The following PTPRU variants were observed in gnomAD, a reference collection of about 807,000 sequenced individuals.
PTPRU encodes receptor-type tyrosine-protein phosphatase U.
PTPRU carries 69 observed loss-of-function variants against 166.3 expected under a neutral mutation model. That is an observed-to-expected ratio of 0.41 (90% CI 0.34 to 0.51). The LOEUF is 0.51. PTPRU is among the 20% of genes least tolerant of loss of function. The pLI, the probability that PTPRU is intolerant of heterozygous loss-of-function variation, is 0.09. For synonymous variants in PTPRU, 793 were observed against 814.0 expected (o/e 0.97, Z 0.44); for missense variants, 1,657 against 2,013.7 (o/e 0.82, Z 3.39).
Position 29,236,883 on chromosome 1 carries a change from C to A in PTPRU, c.73+166C>A, listed in dbSNP as rs1024389263. Among the ~76,000 whole-genome samples, 1 of 152,070 alleles carries A rather than the reference C, an allele frequency of 6.6e-6. No homozygotes were observed. The highest frequency in any genetic ancestry group is 1.5e-5 in the Non-Finnish European group (1 of 68,012). On this transcript the variant is annotated intron_variant, in intron 1 of 29. Transcript: ENST00000373779. This position sits in a 1 kb window ranked among gnomAD's most constrained non-coding sequence, Gnocchi z 4.6. ...GTGTGCCCGGGGTGTTGCGTGACTGCGAATGTTGTGTGTCCGTGAGTTCTG... is the reference window on the plus strand; with the variant it reads ...GTGTGCCCGGGGTGTTGCGTGACTGAGAATGTTGTGTGTCCGTGAGTTCTG...
At chr1:29,284,058 A>C in intron 13 of PTPRU, 82 bp downstream of exon 13, 2 of 1,552,014 alleles carry the variant, frequency 1.3e-6, no homozygotes, top group Admixed American at 3.3e-5. Flanking sequence ...CTGAGGACCT[A>C]CGGCTGTGGG....
rs951691589 is a variant in PTPRU at position 29,287,862 on chromosome 1, G to T, written c.2318+2993G>T. Reference sequence around the variant, plus strand: ...GAGTTTTGCTCTTGTTGTCCAGGCTGGAGTGCAGTGATGCAGTCTTGGCTC... The same window carrying T: ...GAGTTTTGCTCTTGTTGTCCAGGCTTGAGTGCAGTGATGCAGTCTTGGCTC... On this transcript the variant is annotated intron_variant, in intron 14 of 29. Coordinates refer to ENST00000373779, the MANE Select transcript of PTPRU (RefSeq NM_133178.4). Among the ~76,000 whole-genome samples the T allele has an allele frequency of 3.3e-5, 5 of 149,494 alleles. No individual in the cohort carries two copies. The East Asian group carries it at 9.8e-4, about 29-fold the overall frequency.
intron 7 of PTPRU, among the ~76,000 whole-genome samples, chr1:29,263,191 G>C (rs766436312): frequency 6.6e-5 from 10 of 152,252 alleles, no homozygotes; most frequent in Non-Finnish European, 1.3e-4. Context: ...GGCCATGTTG[G>C]CCAGGCTGGT....
In PTPRU at chr1:29,275,762, A is replaced by G; in HGVS notation, c.1453+6A>G. ...TTTCCAGACGGATGAGGATGGTAAGAGTCTCAGTCCCAATTCCCGGGGCCC... is the reference window on the plus strand; with the variant it reads ...TTTCCAGACGGATGAGGATGGTAAGGGTCTCAGTCCCAATTCCCGGGGCCC... On this transcript the variant is annotated splice_donor_region_variant and intron_variant, in intron 8 of 29. Transcript: ENST00000373779. The G allele has an allele frequency of 1.9e-6, 3 of 1,612,258 alleles. No individual in the cohort carries two copies. The highest frequency in any genetic ancestry group is 2.5e-6 in the Non-Finnish European group (3 of 1,178,468).
Position 29,315,478 on chromosome 1 carries a change from T to C in PTPRU, c.3334T>C (p.Ser1112Pro). 2 of 1,614,052 alleles carry C rather than the reference T, an allele frequency of 1.2e-6. No individual in the cohort carries two copies. Among genetic ancestry groups the C allele is most frequent in the Non-Finnish European group, 1.7e-6 (2 of 1,180,010 alleles). The stretch of plus-strand genomic sequence containing the variant: ...TTACAACTGTGTGAAGACTCTCTGC[T>C]CCCGGCGTGTCAACATGATCCAGAC... The part of the protein sequence containing the change: ...DIYNCVKTLC[S>P]RRVNMIQTEE... Residue 1112 changes from serine (S) to proline (P), a missense_variant, in exon 23 of 30, where the codon TCC (serine) becomes CCC (proline). Around this residue, in one of 3 missense-constraint regions of PTPRU, gnomAD observed 1,190 missense variants for 1,477.4 expected, o/e 0.81. Coordinates refer to ENST00000373779, the MANE Select transcript of PTPRU (RefSeq NM_133178.4). This position sits in a 1 kb window ranked among gnomAD's most constrained non-coding sequence, Gnocchi z 4.5.
At chr1:29,285,920 G>A (rs1686324608) in intron 14 of PTPRU, among the ~76,000 whole-genome samples, 1 of 152,222 alleles carries the variant, frequency 6.6e-6, no homozygotes, top group Admixed American at 6.5e-5. Flanking sequence ...GGCACGCAGG[G>A]CTGCCCAAGG....
chr1:29,303,808 G>A lies in PTPRU; in HGVS notation c.2477-47G>A, dbSNP rs762156006. 3 of 1,523,432 alleles carry A rather than the reference G, an allele frequency of 2.0e-6. No homozygotes were observed. The South Asian group carries it at 3.6e-5, about 18-fold the overall frequency. The allele number at this position is 1,523,432 out of a possible 1,614,324, so 94.4% of individuals were successfully genotyped here. A position where few individuals can be genotyped will look rare whatever the true frequency, so the allele number is the denominator to read the frequency against. On this transcript the variant is annotated intron_variant, in intron 15 of 29. Coordinates refer to ENST00000373779, the MANE Select transcript of PTPRU (RefSeq NM_133178.4). ...CCCCAGTCTCTCCAGGACCCCCGAG[G>A]CTGGGGCATGTGTGTCAAGAACCCT...
intron 15 of PTPRU, 27 bp downstream of exon 15, chr1:29,292,053 C>T (rs367656737): frequency 1.2e-6 from 2 of 1,611,538 alleles, no homozygotes; most frequent in Non-Finnish European, 1.7e-6. Flanking sequence ...CCTACCCCTT[C>T]TTCATGGCTC....
intron 26 of PTPRU, among the ~76,000 whole-genome samples, chr1:29,321,242 T>C: frequency 6.7e-6 from 1 of 149,314 alleles, no homozygotes; most frequent in South Asian, 2.2e-4. Flanking sequence ...GGTCTCACTG[T>C]GTTGCCTGGA....
chr1:29,312,568 G>C lies in PTPRU; in HGVS notation c.3089G>C (p.Arg1030Pro). Residue 1030 changes from arginine (R) to proline (P), a missense_variant, in exon 22 of 30, where the codon CGG (arginine) becomes CCG (proline). Transcript: ENST00000373779. Reference sequence around the variant, plus strand: ...TCTCCCCAGAGAGGCTACTCTGCCCGGCACGAGGTCCGCCAGTTCCACTTC... The same window carrying C: ...TCTCCCCAGAGAGGCTACTCTGCCCCGCACGAGGTCCGCCAGTTCCACTTC... ...FALERRGYSA[R>P]HEVRQFHFTA... 9 of 1,592,134 alleles carry C rather than the reference G, an allele frequency of 5.7e-6. No homozygotes were observed. Among genetic ancestry groups the C allele is most frequent in the Non-Finnish European group, 7.7e-6 (9 of 1,162,718 alleles).
chr1:29,308,585 A>AAAAAAAAG (rs1003417351), intron 18 of PTPRU, among the ~76,000 whole-genome samples: 2 of 150,504 alleles, frequency 1.3e-5, no homozygotes, highest in African/African-American at 4.9e-5. Context: ...AAAAAAAAAA[A>AAAAAAAAG]AGAGAGAGAG....
chr1:29,243,344 C>T (rs1406631910), intron 1 of PTPRU, among the ~76,000 whole-genome samples: 1 of 152,236 alleles, frequency 6.6e-6, no homozygotes, highest in African/African-American at 2.4e-5. Context: ...GCACATGAGG[C>T]CCTGCATGAC....
intron 14 of PTPRU, among the ~76,000 whole-genome samples, chr1:29,290,298 G>A (rs1686566949): frequency 6.6e-6 from 1 of 152,196 alleles, no homozygotes; most frequent in Non-Finnish European, 1.5e-5. Context: ...TCTTGACAGA[G>A]TCCTCACAAC....
At chr1:29,285,432 C>T (rs1333244651) in intron 14 of PTPRU, among the ~76,000 whole-genome samples, 5 of 152,178 alleles carry the variant, frequency 3.3e-5, no homozygotes, top group Non-Finnish European at 2.9e-5. Context: ...CTCCCCCTGC[C>T]GCCCCTACTA....
At chr1:29,246,836 A>C (rs1236194577) in intron 1 of PTPRU, among the ~76,000 whole-genome samples, 1 of 152,066 alleles carries the variant, frequency 6.6e-6, no homozygotes, top group Non-Finnish European at 1.5e-5. Context: ...GGCTGGTCTC[A>C]AACCTCTGAC....
chr1:29,325,556 T>C (rs2076618), intron 29 of PTPRU, 43 bp from the exon 30 acceptor site: 596,425 of 1,569,414 alleles, frequency 0.38, 116,309 homozygotes, highest in East Asian at 0.54. Context: ...ATACTGGAGT[T>C]GGGGTCAGGC....
chr1:29,265,731 A>G (rs1039795750), intron 7 of PTPRU, among the ~76,000 whole-genome samples: 2 of 152,076 alleles, frequency 1.3e-5, no homozygotes, highest in Non-Finnish European at 2.9e-5. Flanking sequence ...CATGTCTTTG[A>G]ACATTTTCTA....
At chr1:29,277,803 C>CTTTTTTTTTTT (rs71586898) in intron 8 of PTPRU, among the ~76,000 whole-genome samples, 700 of 50,568 alleles carry the variant, frequency 0.014, 140 homozygotes, top group Non-Finnish European at 0.017. Context: ...AGTTGTCATT[C>CTTTTTTTTTTT]TTTTTTTTTT....
intron 7 of PTPRU, among the ~76,000 whole-genome samples, chr1:29,265,795 G>A (rs887355728): frequency 2.6e-5 from 4 of 151,958 alleles, no homozygotes; most frequent in African/African-American, 9.7e-5. Context: ...AGAGTTTTTT[G>A]TACATTCTAG....
Sources: gnomAD v4.1 joint callset for allele counts (sites outside exome capture counted in the v4.1 genomes callset) on GRCh38, gnomAD v4.1.1 for gene constraint, gnomAD v4.1.1 regional missense constraint, Gnocchi (gnomAD v3.1) non-coding constraint, MANE v1.5 for transcripts, NCBI Gene and HGNC (gene_info 2026-07-23, HGNC 2026-07-21) for gene names.